Variants in CTF1 observed in about 807,000 individuals in gnomAD.
The protein encoded by CTF1 is cardiotrophin 1.
In CTF1, 9 loss-of-function variants were observed where a neutral mutation model predicts 10.9. The observed-to-expected ratio is 0.83, with a 90% confidence interval of 0.50 to 1.44. The LOEUF (loss-of-function observed/expected upper bound fraction) is 1.44, where lower values mean the gene tolerates loss of function less well. CTF1 is among the 40% of genes most tolerant of loss of function. CTF1 has a pLI of 0.00. For synonymous variants in CTF1, 133 were observed against 138.8 expected (o/e 0.96, Z 0.29); for missense variants, 259 against 275.3 (o/e 0.94, Z 0.42).
intron 2 of CTF1, 21 bp downstream of exon 2, chr16:30,899,554 G>T: frequency 8.1e-7 from 1 of 1,240,572 alleles, no homozygotes; most frequent in South Asian, 1.2e-5. Context: ...ATGGGGGTGG[G>T]GGTGCCGGGG....
Position 30,902,233 on chromosome 16 carries a change from G to T in CTF1, c.300G>T (p.Leu100=). 8.8e-7 allele frequency: 1 copy of T among 1,137,862 alleles called. No homozygotes were observed. The allele number at this position is 1,137,862 out of a possible 1,614,324, so 70.5% of individuals were successfully genotyped here. A position where few individuals can be genotyped will look rare whatever the true frequency, so the allele number is the denominator to read the frequency against. The change falls in exon 3 of 3, where the codon CTG becomes CTT. Residue 100 remains leucine (L), a synonymous_variant. Coordinates refer to ENST00000279804, the MANE Select transcript of CTF1 (RefSeq NM_001330.5). ...CGGCGCTGGCCGCGCTGCCCCCGCT[G>T]CTGGACGCAGTGTGTCGCCGCCAGG... ...DAAALAALPP[L]LDAVCRRQAE... is the part of the protein sequence containing the mutation.
chr16:30,897,181 G>A (rs187800634), intron 1 of CTF1, among the ~76,000 whole-genome samples: 38 of 152,316 alleles, frequency 2.5e-4, no homozygotes, highest in African/African-American at 7.5e-4. Context: ...CATCGGGCGC[G>A]CGCTGTGCGT....
chr16:30,898,904 C>A (rs2055376940), intron 1 of CTF1, among the ~76,000 whole-genome samples: 1 of 152,166 alleles, frequency 6.6e-6, no homozygotes, highest in Non-Finnish European at 1.5e-5. Context: ...AACAATCCAC[C>A]TGCCTTGGCC....
chr16:30,897,674 C>T (rs745804220), intron 1 of CTF1, among the ~76,000 whole-genome samples: 1 of 151,974 alleles, frequency 6.6e-6, no homozygotes. Flanking sequence ...GGCAACATGG[C>T]GAAACCCTGT....
chr16:30,898,621 C>A (rs1176679388), intron 1 of CTF1, among the ~76,000 whole-genome samples: 2 of 151,974 alleles, frequency 1.3e-5, no homozygotes, highest in Non-Finnish European at 2.9e-5. Flanking sequence ...AAATACATAC[C>A]TATATATGTA....
At chr16:30,902,007 T>C (rs930220657) in intron 2 of CTF1, 71 bp from the exon 3 acceptor site, 4 of 1,302,330 alleles carry the variant, frequency 3.1e-6, no homozygotes, top group Non-Finnish European at 3.9e-6. Context: ...GAGAGCGGGT[T>C]GGAGAGCCCA....
At chr16:30,896,521 A>G (rs2055350694), upstream of CTF1, 1 of 845,730 alleles carries the variant, frequency 1.2e-6, no homozygotes, top group African/African-American at 1.8e-5. Context: ...AAGGGGGGGT[A>G]GGATGAAATG....
At chr16:30,899,629 C>T (rs1343055756) in intron 2 of CTF1, 96 bp downstream of exon 2, 4 of 772,716 alleles carry the variant, frequency 5.2e-6, no homozygotes, top group Non-Finnish European at 6.3e-6. Context: ...CCTCATTTTC[C>T]AACTGTGGAA....
At position 30,902,130 on chromosome 16, in the gene CTF1, T is replaced by C; in HGVS notation, c.197T>C (p.Leu66Pro). The change falls in exon 3 of 3, where the codon CTG becomes CCG. Residue 66 changes from leucine to proline, a missense_variant. Coordinates refer to ENST00000279804, the MANE Select transcript of CTF1 (RefSeq NM_001330.5). ...CTGCCCAGCTTCTCGCCGCCGCGGC[T>C]GCCGGTGGCCGGCCTGAGCGCCCCG... ...FGLPSFSPPR[L>P]PVAGLSAPAP... 1 of 1,411,264 alleles carries C rather than the reference T, an allele frequency of 7.1e-7. No homozygotes were observed. Among genetic ancestry groups the C allele is most frequent in the Non-Finnish European group, 9.3e-7 (1 of 1,079,004 alleles). The allele number at this position is 1,411,264 out of a possible 1,614,324, so 87.4% of individuals were successfully genotyped here.
Position 30,899,411 on chromosome 16 carries a change from C to T in CTF1, c.26-4C>T. 1 of 1,596,700 alleles carries T rather than the reference C, an allele frequency of 6.3e-7. No homozygotes were observed. The highest frequency in any genetic ancestry group is 8.6e-7 in the Non-Finnish European group (1 of 1,164,150). On this transcript the variant is annotated splice_polypyrimidine_tract_variant and splice_region_variant and intron_variant, in intron 1 of 2. Transcript: ENST00000279804. ...ATCCTCATTCCTCCCCCCTTTCCCA[C>T]CAGAAGACCCCCAGACTGATTCCTC...
intron 1 of CTF1, among the ~76,000 whole-genome samples, chr16:30,899,172 A>C (rs554285790): frequency 6.6e-6 from 1 of 152,332 alleles, no homozygotes; most frequent in Non-Finnish European, 1.5e-5. Context: ...CTCAGAATGT[A>C]TCCATGTTGT....
intron 1 of CTF1, among the ~76,000 whole-genome samples, chr16:30,898,581 C>T (rs1380655871): frequency 6.6e-6 from 1 of 152,118 alleles, no homozygotes; most frequent in Non-Finnish European, 1.5e-5. Flanking sequence ...GCGTGAGCCA[C>T]CACGCCTAAC....
At chr16:30,896,694 G>A (rs1596635620) in intron 1 of CTF1, 26 bp downstream of exon 1, 1 of 1,251,748 alleles carries the variant, frequency 8.0e-7, no homozygotes, top group Non-Finnish European at 1.0e-6. Context: ...ACCGGACGCC[G>A]GGTCGCTGAG....
rs767914238 is a variant in CTF1 at position 30,903,198 on chromosome 16, C to G, written c.*659C>G. The G allele has an allele frequency of 6.6e-6, 1 of 152,470 alleles. No individual in the cohort carries two copies. The highest frequency in any genetic ancestry group is 6.5e-5 in the Admixed American group (1 of 15,272). 9.4% of individuals were successfully genotyped at this position (152,470 alleles called of 1,614,324 possible). On this transcript the variant is annotated 3_prime_UTR_variant, in exon 3 of 3. Transcript: ENST00000279804. Reference sequence around the variant, plus strand: ...TGTGAGCACATGTGTACATCTCAGCCTTATCTCAAGGAGGTGACACCTTCT... The same window carrying G: ...TGTGAGCACATGTGTACATCTCAGCGTTATCTCAAGGAGGTGACACCTTCT...
rs201703547 is a variant in CTF1, at chr16:30,899,472, G to A, written c.83G>A (p.Arg28His). The change falls in exon 2 of 3, where the codon CGT (arginine) becomes CAT (histidine). Residue 28 changes from arginine (R) to histidine (H), a missense_variant. By Grantham distance (29) the Arg-to-His change is conservative. Transcript: ENST00000279804. Reference protein sequence around the residue: ...SLLPHLEAKIRQTHSLAHLLT... With the variant: ...SLLPHLEAKIHQTHSLAHLLT... ...CTTCCCCACTTGGAGGCCAAGATCCGTCAGACACACAGCCTTGCGCACCTC... is the reference window on the plus strand; with the variant it reads ...CTTCCCCACTTGGAGGCCAAGATCCATCAGACACACAGCCTTGCGCACCTC... The A allele has an allele frequency of 7.2e-5, 115 of 1,605,450 alleles. No individual in the cohort carries two copies. The highest frequency in any genetic ancestry group is 1.7e-4 in the Middle Eastern group (1 of 6,048).
At position 30,902,564 on chromosome 16, in the gene CTF1, C is replaced by A; in HGVS notation, c.*25C>A. 6.7e-7 allele frequency: 1 copy of A among 1,491,834 alleles called. No individual in the cohort carries two copies. Among genetic ancestry groups the A allele is most frequent in the Non-Finnish European group, 8.9e-7 (1 of 1,124,350 alleles). 92.4% of individuals were successfully genotyped at this position (1,491,834 alleles called of 1,614,324 possible). A position where few individuals can be genotyped will look rare whatever the true frequency, so the allele number is the denominator to read the frequency against. ...AGCGCCGCGGGGCAGCTCGCCCCGCCTCCTCCCGCTGGGTTCCGTCTCTCC... is the reference window on the plus strand; with the variant it reads ...AGCGCCGCGGGGCAGCTCGCCCCGCATCCTCCCGCTGGGTTCCGTCTCTCC... On this transcript the variant is annotated 3_prime_UTR_variant, in exon 3 of 3. Coordinates refer to ENST00000279804, the MANE Select transcript of CTF1 (RefSeq NM_001330.5).
chr16:30,898,328 A>AT (rs2055372204), intron 1 of CTF1, among the ~76,000 whole-genome samples: 1 of 151,828 alleles, frequency 6.6e-6, no homozygotes, highest in Non-Finnish European at 1.5e-5. Flanking sequence ...TGCCTGACTA[A>AT]TTTTTGTATT....
At chr16:30,896,512 A>T (rs1555484730), upstream of CTF1, 1 of 822,808 alleles carries the variant, frequency 1.2e-6, no homozygotes, top group Non-Finnish European at 1.7e-6. Flanking sequence ...CTGTCTCAAA[A>T]GGGGGGGTAG....
Position 30,902,242 on chromosome 16 carries a change from AGT to A in CTF1, c.314_315del (p.Cys105SerfsTer132). 8.9e-7 allele frequency: 1 copy of A among 1,125,428 alleles called. No homozygotes were observed. The highest frequency in any genetic ancestry group is 1.1e-6 in the Non-Finnish European group (1 of 922,448). 69.7% of individuals were successfully genotyped at this position (1,125,428 alleles called of 1,614,324 possible). ...LAALPPLLDA[V>X]CRRQAELNPR... is the part of the protein sequence containing the mutation. ...CCGCGCTGCCCCCGCTGCTGGACGC[AGT>A]GTGTCGCCGCCAGGCCGAGCTGAAC... On this transcript the variant is annotated frameshift_variant, in exon 3 of 3. Transcript: ENST00000279804. LOFTEE classifies it high-confidence loss of function.
Sources: gnomAD v4.1 joint callset for allele counts (sites outside exome capture counted in the v4.1 genomes callset) on GRCh38, gnomAD v4.1.1 for gene constraint, MANE v1.5 for transcripts, NCBI Gene and HGNC (gene_info 2026-07-23, HGNC 2026-07-21) for gene names.